The following LINGO2 variants were observed in gnomAD, a reference collection of about 807,000 sequenced individuals.
The protein encoded by LINGO2 is leucine rich repeat and Ig domain containing 2, also known as leucine-rich repeat and immunoglobulin-like domain-containing nogo receptor-interacting protein 2.
Under a neutral mutation model 30.6 loss-of-function variants are expected in LINGO2, and 14 were observed. That is an observed-to-expected ratio of 0.46 (90% confidence interval 0.30 to 0.72). The LOEUF is 0.72. Ranked by LOEUF, LINGO2 falls within the 30% of genes least tolerant of loss-of-function variation. LINGO2 has a pLI of 0.07. For missense variants in LINGO2, 729 were observed against 751.7 expected (o/e 0.97, Z 0.35); for synonymous variants, 317 against 288.5 (o/e 1.10, Z -1.00).
intron 2 of LINGO2, among the ~76,000 whole-genome samples, chr9:28,404,316 C>T (rs1822402545): frequency 6.6e-6 from 1 of 151,488 alleles, no homozygotes; most frequent in Admixed American, 6.6e-5. Flanking sequence ...TAAATATATT[C>T]TCCAAATGAT....
At chr9:28,596,956 T>C (rs1825213122) in intron 1 of LINGO2, among the ~76,000 whole-genome samples, 1 of 152,134 alleles carries the variant, frequency 6.6e-6, no homozygotes, top group Non-Finnish European at 1.5e-5. Flanking sequence ...ACATCTCATG[T>C]TTATATGCTT....
chr9:28,373,718 G>A (rs1820994057), intron 2 of LINGO2, among the ~76,000 whole-genome samples: 1 of 151,940 alleles, frequency 6.6e-6, no homozygotes, highest in Non-Finnish European at 1.5e-5. Flanking sequence ...TGGCCAACAT[G>A]GCGAAACCCC....
At chr9:28,371,993 G>A (rs1414253717) in intron 3 of LINGO2, among the ~76,000 whole-genome samples, 6 of 152,152 alleles carry the variant, frequency 3.9e-5, no homozygotes, top group African/African-American at 7.2e-5. Flanking sequence ...AACAATGTAC[G>A]AAGAGAGGAA....
chr9:28,539,516 G>A (rs1219773605), intron 1 of LINGO2, among the ~76,000 whole-genome samples: 4 of 151,718 alleles, frequency 2.6e-5, no homozygotes, highest in Non-Finnish European at 4.4e-5. Flanking sequence ...AAAAAAACAA[G>A]GCAAACAATT....
At chr9:28,889,146 T>C in the LINGO2 span, among the ~76,000 whole-genome samples, 2 of 152,184 alleles carry the variant, frequency 1.3e-5, no homozygotes, top group East Asian at 1.9e-4. Flanking sequence ...TAAATATTGA[T>C]TGAGCATCCC....
the LINGO2 span, among the ~76,000 whole-genome samples, chr9:29,001,105 G>T: frequency 6.6e-6 from 1 of 151,618 alleles, no homozygotes; most frequent in African/African-American, 2.4e-5. Flanking sequence ...GTGTGTGTGT[G>T]AACGTGAGAG....
the LINGO2 span, among the ~76,000 whole-genome samples, chr9:28,886,618 T>C: frequency 1.3e-5 from 2 of 152,182 alleles, no homozygotes; most frequent in African/African-American, 4.8e-5. Flanking sequence ...CTTCCAATTT[T>C]AAGTAATATA....
the LINGO2 span, among the ~76,000 whole-genome samples, chr9:28,932,414 T>A: frequency 2.0e-5 from 3 of 152,306 alleles, no homozygotes; most frequent in South Asian, 6.2e-4. Flanking sequence ...CATCCTAGAA[T>A]AATCCAACTA....
intron 1 of LINGO2, among the ~76,000 whole-genome samples, chr9:28,570,624 G>A (rs761693582): frequency 1.7e-4 from 26 of 149,290 alleles, no homozygotes; most frequent in African/African-American, 3.5e-4. Flanking sequence ...AAAAAACACC[G>A]TGTGATTGAC....
chr9:27,986,741 A>G (rs1821143575), intron 5 of LINGO2, among the ~76,000 whole-genome samples: 4 of 151,816 alleles, frequency 2.6e-5, no homozygotes. Flanking sequence ...TTTCCTAAAG[A>G]TGTAGAGGTA....
intron 5 of LINGO2, among the ~76,000 whole-genome samples, chr9:27,990,749 TA>T (rs1291483595): frequency 6.6e-6 from 1 of 152,062 alleles, no homozygotes; most frequent in Non-Finnish European, 1.5e-5. Flanking sequence ...ACACAAAGTC[TA>T]TGTGGTTAAC....
intron 1 of LINGO2, among the ~76,000 whole-genome samples, chr9:28,633,922 G>T (rs1422129384): frequency 6.6e-6 from 1 of 152,148 alleles, no homozygotes; most frequent in East Asian, 1.9e-4. Context: ...ACACTCCAAA[G>T]AGAGGACATA....
chr9:28,708,971 T>C, the LINGO2 span, among the ~76,000 whole-genome samples: 5 of 152,256 alleles, frequency 3.3e-5, no homozygotes, highest in South Asian at 2.1e-4. Flanking sequence ...ATAATGACTA[T>C]CATGCTACAA....
chr9:28,769,120 C>A, the LINGO2 span, among the ~76,000 whole-genome samples: 1 of 151,654 alleles, frequency 6.6e-6, no homozygotes, highest in Non-Finnish European at 1.5e-5. Flanking sequence ...TTCTCCCTCC[C>A]ATTTTTTAAG....
chr9:29,103,144 C>T, the LINGO2 span, among the ~76,000 whole-genome samples: 3 of 152,250 alleles, frequency 2.0e-5, no homozygotes, highest in South Asian at 4.1e-4. Context: ...CACAGCACCA[C>T]CACCAGCCCA....
intron 4 of LINGO2, among the ~76,000 whole-genome samples, chr9:28,139,985 C>T (rs563243247): frequency 1.8e-4 from 28 of 152,200 alleles, no homozygotes; most frequent in East Asian, 1.7e-3. Context: ...GTGCCTTTAC[C>T]GTCAAAAGTA....
chr9:28,031,398 AATTAT>A (rs1823664025), intron 4 of LINGO2, among the ~76,000 whole-genome samples: 1 of 151,210 alleles, frequency 6.6e-6, no homozygotes, highest in African/African-American at 2.4e-5. Context: ...ACATTGACAT[AATTAT>A]ATTTATGGGT....
the LINGO2 span, among the ~76,000 whole-genome samples, chr9:28,714,164 A>AATCTATCTATCTATATATATATATAT: frequency 8.5e-6 from 1 of 117,174 alleles, no homozygotes; most frequent in African/African-American, 3.3e-5. Context: ...TGCCTCAAAT[A>AATCTATCTATCTATATATATATATAT]ATATATATAT....
chr9:28,924,573 C>T, the LINGO2 span, among the ~76,000 whole-genome samples: 1 of 152,024 alleles, frequency 6.6e-6, no homozygotes, highest in African/African-American at 2.4e-5. Context: ...CAAACAAAAC[C>T]TGGTTTATAG....
Sources: allele counts gnomAD v4.1 joint callset (sites outside exome capture counted in the v4.1 genomes callset), GRCh38; gene constraint gnomAD v4.1.1; transcripts MANE v1.5; gene names NCBI Gene and HGNC (gene_info 2026-07-23, HGNC 2026-07-21).